EPM2A: variants seen among roughly 807,000 people sequenced by gnomAD.
The protein encoded by EPM2A is laforin.
EPM2A carries 21 observed loss-of-function variants against 26.5 expected under a neutral mutation model. The observed-to-expected ratio is 0.79, with a 90% CI of 0.56 to 1.14. EPM2A has a LOEUF of 1.14. Ranked by LOEUF, EPM2A falls within the 50% of genes most tolerant of loss-of-function variation. EPM2A has a pLI of 0.00. For synonymous variants in EPM2A, 217 were observed against 177.6 expected (o/e 1.22, Z -1.76); for missense variants, 458 against 440.8 (o/e 1.04, Z -0.35).
intron 2 of EPM2A, among the ~76,000 whole-genome samples, chr6:145,651,771 C>T (rs1777898744): frequency 6.6e-6 from 1 of 152,050 alleles, no homozygotes; most frequent in Admixed American, 6.6e-5. Context: ...ACCAACACAC[C>T]CTCAATAAGG....
chr6:145,544,496 T>C (rs922808604), intron 2 of EPM2A, among the ~76,000 whole-genome samples: 3 of 152,162 alleles, frequency 2.0e-5, no homozygotes, highest in African/African-American at 7.2e-5. Flanking sequence ...ATTGGTAAAT[T>C]GTGTGGGGAG....
At chr6:145,566,634 G>C (rs1007969774) in intron 2 of EPM2A, among the ~76,000 whole-genome samples, 1 of 152,176 alleles carries the variant, frequency 6.6e-6, no homozygotes, top group African/African-American at 2.4e-5. Flanking sequence ...ATAAGCTTAA[G>C]AGAGCAAAAA....
At chr6:145,517,329 C>G (rs923739887) in intron 2 of EPM2A, among the ~76,000 whole-genome samples, 11 of 152,128 alleles carry the variant, frequency 7.2e-5, no homozygotes, top group Admixed American at 6.5e-4. Context: ...GAGGGTAGAT[C>G]TCATTATGTG....
At chr6:145,735,129 G>C in intron 1 of EPM2A, 69 bp downstream of exon 1, 1 of 1,244,422 alleles carries the variant, frequency 8.0e-7, no homozygotes, top group Non-Finnish European at 1.1e-6. Flanking sequence ...GCCCGAGGCC[G>C]AGGCCCCGGT....
chr6:145,618,044 C>A (rs769128164), intron 2 of EPM2A, among the ~76,000 whole-genome samples: 5 of 152,108 alleles, frequency 3.3e-5, no homozygotes, highest in African/African-American at 9.7e-5. Context: ...TGGGCCAAAG[C>A]CTGTTTGCCA....
At chr6:145,435,616 G>A (rs912441651) in intron 4 of EPM2A, among the ~76,000 whole-genome samples, 1 of 151,348 alleles carries the variant, frequency 6.6e-6, no homozygotes, top group Admixed American at 6.6e-5. Flanking sequence ...AAGTTGTAGG[G>A]TACCTGTGCT....
rs767351394 is a variant in EPM2A, at chr6:145,627,582, A to G, written c.830T>C (p.Val277Ala). ...NAGVGRSTAA[V>A]CGWLQYVMGW... ...CATCACATACTGGAGCCAGCCGCAG[A>G]CAGCCGCGGTGGAGCGGCCCACCCC... Residue 277 changes from valine to alanine, a missense_variant, in exon 4 of 4, where the codon GTC becomes GCC. Transcript: ENST00000367519. The G allele has an allele frequency of 6.2e-7, 1 of 1,614,246 alleles. No individual in the cohort carries two copies. The highest frequency in any genetic ancestry group is 2.2e-5 in the East Asian group (1 of 44,876).
intron 4 of EPM2A, among the ~76,000 whole-genome samples, chr6:145,424,822 G>C (rs1023904848): frequency 6.6e-5 from 10 of 152,200 alleles, no homozygotes; most frequent in Non-Finnish European, 1.2e-4. Context: ...GCCTTCACCA[G>C]ACACTGAATC....
Position 145,626,058 on chromosome 6 carries a change from T to C in EPM2A, c.*1358A>G, listed in dbSNP as rs933240684. 3.8e-5 allele frequency: 43 copies of C among 1,139,682 alleles called. No homozygotes were observed. The highest frequency in any genetic ancestry group is 1.7e-4 in the African/African-American group (11 of 63,768). The allele number at this position is 1,139,682 out of a possible 1,614,324, so 70.6% of individuals were successfully genotyped here. A position where few individuals can be genotyped will look rare whatever the true frequency, so the allele number is the denominator to read the frequency against. On this transcript the variant is annotated 3_prime_UTR_variant, in exon 4 of 4. Coordinates refer to ENST00000367519, the MANE Select transcript of EPM2A (RefSeq NM_005670.4). ...CATGGAGATAATGAGACCTTCTTCATTGGATATTGTGAAGATTAAACTGGA... is the reference window on the plus strand; with the variant it reads ...CATGGAGATAATGAGACCTTCTTCACTGGATATTGTGAAGATTAAACTGGA...
At chr6:145,572,757 T>C (rs1377068186) in intron 2 of EPM2A, among the ~76,000 whole-genome samples, 1 of 152,182 alleles carries the variant, frequency 6.6e-6, no homozygotes, top group African/African-American at 2.4e-5. Flanking sequence ...TGCTAGGTCA[T>C]ATGACCCAAG....
At chr6:145,647,224 C>T (rs944597687) in intron 2 of EPM2A, among the ~76,000 whole-genome samples, 6 of 152,042 alleles carry the variant, frequency 3.9e-5, no homozygotes, top group African/African-American at 1.4e-4. Context: ...GGAATCTGAC[C>T]CCTACGTGTG....
At chr6:145,413,694 G>T (rs529453227) in intron 4 of EPM2A, among the ~76,000 whole-genome samples, 1 of 152,302 alleles carries the variant, frequency 6.6e-6, no homozygotes, top group African/African-American at 2.4e-5. Flanking sequence ...CTTTGAGAAT[G>T]TCTTTTCTTA....
chr6:145,560,791 T>C (rs1386435716), intron 2 of EPM2A, among the ~76,000 whole-genome samples: 3 of 152,134 alleles, frequency 2.0e-5, no homozygotes, highest in Non-Finnish European at 4.4e-5. Context: ...AAACATGCCA[T>C]ATAGCTCCCT....
intron 2 of EPM2A, among the ~76,000 whole-genome samples, chr6:145,541,330 A>G (rs1780508225): frequency 7.5e-6 from 1 of 133,010 alleles, no homozygotes; most frequent in South Asian, 2.8e-4. Context: ...ATATATGTGT[A>G]TATATATGTG....
intron 4 of EPM2A, among the ~76,000 whole-genome samples, chr6:145,386,579 T>A (rs891694649): frequency 7.2e-5 from 11 of 152,044 alleles, no homozygotes; most frequent in Admixed American, 1.3e-4. Flanking sequence ...AACTTTTTTT[T>A]AAAGTTCTTC....
intron 4 of EPM2A, among the ~76,000 whole-genome samples, chr6:145,493,643 T>A (rs918236233): frequency 6.6e-6 from 1 of 152,186 alleles, no homozygotes; most frequent in African/African-American, 2.4e-5. Context: ...ATGGCTCTTG[T>A]TATTTTGAGG....
At chr6:145,447,041 C>T (rs1206128652) in intron 4 of EPM2A, among the ~76,000 whole-genome samples, 1 of 152,046 alleles carries the variant, frequency 6.6e-6, no homozygotes, top group African/African-American at 2.4e-5. Flanking sequence ...GTTAAGTACT[C>T]TGTATTTACT....
chr6:145,478,475 T>C (rs1249203052), intron 4 of EPM2A, among the ~76,000 whole-genome samples: 1 of 151,752 alleles, frequency 6.6e-6, no homozygotes, highest in Non-Finnish European at 1.5e-5. Context: ...ATCAAAGCTA[T>C]CCTAAGCAAA....
Position 145,502,690 on chromosome 6 carries a change from T to A in EPM2A, c.341-115A>T, listed in dbSNP as rs1032115661. 7.0e-6 allele frequency: 3 copies of A among 426,046 alleles called. No homozygotes were observed. In the Admixed American group the frequency reaches 7.7e-5, roughly 11 times the overall value. 26.4% of individuals were successfully genotyped at this position (426,046 alleles called of 1,614,324 possible). Reference sequence around the variant, plus strand: ...ACCTTGAAAATAAACAGTGACTATTTCCTATCATGTAATATACATAGTATT... The same window carrying A: ...ACCTTGAAAATAAACAGTGACTATTACCTATCATGTAATATACATAGTATT... On this transcript the variant is annotated intron_variant, in intron 2 of 3. Transcript: ENST00000450221.
Sources: allele counts gnomAD v4.1 joint callset (sites outside exome capture counted in the v4.1 genomes callset), GRCh38; gene constraint gnomAD v4.1.1; transcripts MANE v1.5; gene names NCBI Gene and HGNC (gene_info 2026-07-23, HGNC 2026-07-21).